CNST: variants seen among roughly 807,000 people sequenced by gnomAD.
CNST encodes consortin.
A neutral mutation model predicts 72.4 loss-of-function variants in CNST; 39 were observed. That is an observed-to-expected ratio of 0.54 (90% CI 0.42 to 0.70). The LOEUF (loss-of-function observed/expected upper bound fraction) is 0.70, where lower values mean the gene tolerates loss of function less well. Ranked by LOEUF, CNST falls within the 30% of genes least tolerant of loss-of-function variation. The probability of loss-of-function intolerance (pLI) is 0.00; values close to 1 mark genes in which losing one functional copy is unlikely to be tolerated. For missense variants in CNST, 871 were observed against 868.5 expected, an observed-to-expected ratio of 1.00 and a Z score of -0.04; for synonymous variants, 332 against 320.1, an observed-to-expected ratio of 1.04 and a Z score of -0.40.
chr1:246,632,152 G>T, intron 4 of CNST: 1 of 426,496 alleles, frequency 2.3e-6, no homozygotes, highest in Non-Finnish European at 4.1e-6. Context: ...TCATAAATAG[G>T]CCTTAATTTT....
chr1:246,567,507 A>G (rs1659789860), intron 1 of CNST, among the ~76,000 whole-genome samples: 1 of 152,146 alleles, frequency 6.6e-6, no homozygotes, highest in East Asian at 1.9e-4. Flanking sequence ...AATACGTACA[A>G]TCCTTTCTGC....
intron 2 of CNST, among the ~76,000 whole-genome samples, chr1:246,620,737 A>ACC (rs1664029714): frequency 2.8e-5 from 3 of 108,162 alleles, no homozygotes; most frequent in Admixed American, 9.4e-5. Flanking sequence ...GGGCTCTGGG[A>ACC]ACACTACAGG....
At chr1:246,597,475 G>A (rs576228491) in intron 2 of CNST, among the ~76,000 whole-genome samples, 13 of 152,232 alleles carry the variant, frequency 8.5e-5, no homozygotes, top group Non-Finnish European at 1.6e-4. Context: ...TATGGTTGTC[G>A]TAACAACACT....
At chr1:246,634,409 TTTG>T (rs765380022) in intron 5 of CNST, 61 bp from the exon 6 acceptor site, 28 of 926,074 alleles carry the variant, frequency 3.0e-5, no homozygotes, top group African/African-American at 3.0e-4. Flanking sequence ...TAACTGTTTG[TTTG>T]TTTTTTTGCT....
chr1:246,580,767 G>GT (rs1434802468), intron 1 of CNST, among the ~76,000 whole-genome samples: 1 of 151,224 alleles, frequency 6.6e-6, no homozygotes, highest in Non-Finnish European at 1.5e-5. Flanking sequence ...TTTTGAGACA[G>GT]TCTCACTCTG....
At chr1:246,628,916 C>T (rs1664609050) in intron 3 of CNST, among the ~76,000 whole-genome samples, 1 of 152,216 alleles carries the variant, frequency 6.6e-6, no homozygotes, top group Non-Finnish European at 1.5e-5. Context: ...TGATTCCACT[C>T]AGCATCTTGC....
At position 246,647,211 on chromosome 1, in the gene CNST, C is replaced by T. The variant is rs200545729; in HGVS notation, c.1010C>T (p.Pro337Leu). The T allele has an allele frequency of 5.6e-6, 9 of 1,614,072 alleles. No homozygotes were observed. ...ACAGTGGAGCCCCTGGGGAGCAGTC[C>T]CTGCTGTCATCAGATGGACGTGCAA... Reference protein sequence around the residue: ...QHTVEPLGSSPCCHQMDVQTD... With the variant: ...QHTVEPLGSSLCCHQMDVQTD... Residue 337 changes from proline (P) to leucine (L), a missense_variant, in exon 9 of 11, where the codon CCC becomes CTC. Pro to Leu is a moderately conservative substitution (Grantham distance 98). Transcript: ENST00000366513.
intron 8 of CNST, 82 bp downstream of exon 8, chr1:246,642,119 C>A: frequency 2.1e-6 from 1 of 477,770 alleles, no homozygotes. Context: ...ATCTGAATTG[C>A]TGCAAAGGAT....
rs1346512544 is a variant in CNST, at chr1:246,646,236, C to T, written c.938-903C>T. Among the ~76,000 whole-genome samples the T allele has an allele frequency of 3.5e-5, 5 of 143,836 alleles. No homozygotes were observed. In the South Asian group the frequency reaches 8.8e-4, roughly 25 times the overall value. 94.4% of individuals were successfully genotyped at this position (143,836 alleles called of 152,430 possible). A position where few individuals can be genotyped will look rare whatever the true frequency, so the allele number is the denominator to read the frequency against. On this transcript the variant is annotated intron_variant, in intron 8 of 10. Coordinates refer to ENST00000366513, the MANE Select transcript of CNST (RefSeq NM_152609.3). ...CGGAGCTTGCAGTGAGCCGAGATCG[C>T]GCCACTGTGCTCCAGCCTGGGTGAC...
intron 2 of CNST, among the ~76,000 whole-genome samples, chr1:246,618,562 C>T (rs543747976): frequency 1.5e-4 from 23 of 151,884 alleles, no homozygotes; most frequent in African/African-American, 5.6e-4. Context: ...CCCCTCCCTA[C>T]ACTCAATGAT....
intron 1 of CNST, among the ~76,000 whole-genome samples, chr1:246,578,398 C>T (rs962399872): frequency 2.6e-5 from 4 of 152,014 alleles, no homozygotes; most frequent in East Asian, 1.9e-4. Flanking sequence ...TTCGGCTGGG[C>T]GTGGTGGCTC....
chr1:246,656,114 G>T (rs1490053107), intron 9 of CNST, among the ~76,000 whole-genome samples: 1 of 152,196 alleles, frequency 6.6e-6, no homozygotes, highest in Non-Finnish European at 1.5e-5. Flanking sequence ...AGCCAACTGT[G>T]TGTTCTTGTT....
At chr1:246,640,433 G>A (rs1010644828) in intron 6 of CNST, among the ~76,000 whole-genome samples, 1 of 152,106 alleles carries the variant, frequency 6.6e-6, no homozygotes, top group African/African-American at 2.4e-5. Context: ...TGCTTGAATT[G>A]TATCAAGGAG....
intron 1 of CNST, among the ~76,000 whole-genome samples, chr1:246,588,433 AAT>A (rs1474933879): frequency 6.6e-6 from 1 of 152,214 alleles, no homozygotes; most frequent in African/African-American, 2.4e-5. Context: ...TAATTACAGT[AAT>A]AATAATATCT....
At chr1:246,636,663 C>T (rs938705914) in intron 6 of CNST, among the ~76,000 whole-genome samples, 1 of 152,204 alleles carries the variant, frequency 6.6e-6, no homozygotes, top group Non-Finnish European at 1.5e-5. Flanking sequence ...CGTTTGCTCC[C>T]CATTGTCCAA....
chr1:246,574,821 C>A (rs961503231), intron 1 of CNST, among the ~76,000 whole-genome samples: 1 of 152,134 alleles, frequency 6.6e-6, no homozygotes, highest in Non-Finnish European at 1.5e-5. Context: ...CTTCCTAAAT[C>A]TCTCTTATAA....
At chr1:246,574,989 T>C (rs553301924) in intron 1 of CNST, among the ~76,000 whole-genome samples, 72 of 149,354 alleles carry the variant, frequency 4.8e-4, no homozygotes, top group African/African-American at 1.7e-3. Flanking sequence ...TATTTATTTA[T>C]TTATTTATTT....
chr1:246,624,067 T>C (rs1009397443), intron 3 of CNST, among the ~76,000 whole-genome samples: 2 of 152,112 alleles, frequency 1.3e-5, no homozygotes, highest in Non-Finnish European at 2.9e-5. Context: ...CATCTAAAAA[T>C]AGACAAACAA....
At chr1:246,576,258 C>CT (rs1660424360) in intron 1 of CNST, among the ~76,000 whole-genome samples, 1 of 27,446 alleles carries the variant, frequency 3.6e-5, no homozygotes, top group Admixed American at 4.5e-4. Flanking sequence ...AAAAAAGAAA[C>CT]AAAGATTTCT....
Sources: gnomAD v4.1 joint callset for allele counts (sites outside exome capture counted in the v4.1 genomes callset) on GRCh38, gnomAD v4.1.1 for gene constraint, MANE v1.5 for transcripts, NCBI Gene and HGNC (gene_info 2026-07-23, HGNC 2026-07-21) for gene names.